Variants in DSG3 observed in about 807,000 individuals in gnomAD.
The protein encoded by DSG3 is desmoglein-3.
Under a neutral mutation model 85.9 loss-of-function variants are expected in DSG3, and 63 were observed. The ratio of observed to expected loss-of-function variants is 0.73; its 90% confidence interval spans 0.60 to 0.90. The LOEUF (loss-of-function observed/expected upper bound fraction) is 0.90. Ranked by LOEUF, DSG3 falls within the 40% of genes least tolerant of loss-of-function variation. The pLI is 0.00. For missense variants in DSG3, 1,220 were observed against 1,219.9 expected, an observed-to-expected ratio of 1.00 and a Z score of 0.00; for synonymous variants, 447 against 441.9, an observed-to-expected ratio of 1.01 and a Z score of -0.14.
chr18:31,464,383 G>A lies in DSG3; in HGVS notation c.1271+1G>A, dbSNP rs775788193. Reference sequence around the variant, plus strand: ...CTAACAAAGCTGCCTCAAATGTCAAGTAAGACTATTTTTATTTATATCCTA... The same window carrying A: ...CTAACAAAGCTGCCTCAAATGTCAAATAAGACTATTTTTATTTATATCCTA... On this transcript the variant is annotated splice_donor_variant, in intron 9 of 15. Transcript: ENST00000257189. LOFTEE classifies it high-confidence loss of function. 2 of 1,603,000 alleles carry A rather than the reference G, an allele frequency of 1.2e-6. No homozygotes were observed. Among genetic ancestry groups the A allele is most frequent in the African/African-American group, 1.3e-5 (1 of 74,396 alleles).
At chr18:31,458,831 G>A (rs576707020) in intron 4 of DSG3, among the ~76,000 whole-genome samples, 75 of 152,326 alleles carry the variant, frequency 4.9e-4, no homozygotes, top group Non-Finnish European at 9.3e-4. Context: ...CCATGACACA[G>A]CATTAGCCTG....
chr18:31,465,643 C>T (rs1420391375), intron 10 of DSG3, among the ~76,000 whole-genome samples, 186 bp downstream of exon 10: 1 of 152,164 alleles, frequency 6.6e-6, no homozygotes, highest in Non-Finnish European at 1.5e-5. Context: ...TTCAACTTCT[C>T]AGTGGAGATT....
chr18:31,466,623 T>C lies in DSG3; in HGVS notation c.1505T>C (p.Val502Ala). The change falls in exon 11 of 16, where the codon GTT (valine) becomes GCT (alanine). Residue 502 changes from valine to alanine, a missense_variant. Transcript: ENST00000257189. ...ACAGCTGTCCTCGAAAAAGATGCAGTTTGCAGTTCTTCACCTTCCGTGGTT... is the reference window on the plus strand; with the variant it reads ...ACAGCTGTCCTCGAAAAAGATGCAGCTTGCAGTTCTTCACCTTCCGTGGTT... ...CPTAVLEKDA[V>A]CSSSPSVVVS... 6.2e-7 allele frequency: 1 copy of C among 1,614,192 alleles called. No homozygotes were observed. The highest frequency in any genetic ancestry group is 1.3e-5 in the African/African-American group (1 of 75,054).
intron 12 of DSG3, 47 bp downstream of exon 12, chr18:31,469,396 T>G: frequency 1.2e-6 from 2 of 1,604,132 alleles, no homozygotes; most frequent in Non-Finnish European, 1.7e-6. Context: ...TGTCCTCATT[T>G]GCAAAGGCCT....
Position 31,460,814 on chromosome 18 carries a change from AT to A in DSG3, c.685-13del. The A allele has an allele frequency of 6.4e-7, 1 of 1,561,070 alleles. No individual in the cohort carries two copies. Among genetic ancestry groups the A allele is most frequent in the South Asian group, 1.2e-5 (1 of 81,090 alleles). On this transcript the variant is annotated intron_variant, in intron 6 of 15. Coordinates refer to ENST00000257189, the MANE Select transcript of DSG3 (RefSeq NM_001944.3). ...TCTTTGGGATTAATTATTTTTCTTT[AT>A]TTTTTATCCAAAATTAGCAAGCTAG... is the stretch of plus-strand genomic sequence containing the variant.
chr18:31,468,466 G>C (rs2072835442), intron 11 of DSG3, among the ~76,000 whole-genome samples: 2 of 152,196 alleles, frequency 1.3e-5, no homozygotes, highest in African/African-American at 4.8e-5. Context: ...GAAAAGCAGA[G>C]TAGAACTGAG....
rs1308440000 is a variant in DSG3, at chr18:31,475,919, C to G, written c.2659C>G (p.Pro887Ala). The change falls in exon 16 of 16, where the codon CCC (proline) becomes GCC (alanine). Residue 887 changes from proline (P) to alanine (A), a missense_variant. Physicochemically the swap from Pro to Ala is conservative, Grantham distance 27 (BLOSUM62 -1). Transcript: ENST00000257189. ...TTATGGGATTGAATCCTGTGGCCAT[C>G]CCATAGAAGTCCAGCAGACAGGATT... The part of the protein sequence containing the change: ...SGYGIESCGH[P>A]IEVQQTGFVK... The G allele has an allele frequency of 1.9e-6, 3 of 1,614,066 alleles. No individual in the cohort carries two copies. The South Asian group carries it at 3.3e-5, about 18-fold the overall frequency.
chr18:31,452,991 A>G (rs988501282), intron 1 of DSG3, among the ~76,000 whole-genome samples: 1 of 152,212 alleles, frequency 6.6e-6, no homozygotes, highest in African/African-American at 2.4e-5. Context: ...ATTCTTCACA[A>G]TTAAATAATT....
chr18:31,458,508 C>T lies in DSG3; in HGVS notation c.280C>T (p.Gln94Ter). 6.2e-7 allele frequency: 1 copy of T among 1,614,074 alleles called. No individual in the cohort carries two copies. The highest frequency in any genetic ancestry group is 8.5e-7 in the Non-Finnish European group (1 of 1,179,980). ...CCGAATCTCTGGAGTGGGAATCGAT[C>T]AGCCGCCTTTTGGAATCTTTGTTGT... ...TYRISGVGID[Q>*]PPFGIFVVDK... The change falls in exon 4 of 16, where the codon CAG (glutamine) becomes TAG (stop). Residue 94 changes from glutamine (Q) to a stop codon, truncating the protein, a stop_gained. Transcript: ENST00000257189. LOFTEE classifies it high-confidence loss of function.
chr18:31,473,611 C>G (rs943049065), intron 14 of DSG3, among the ~76,000 whole-genome samples: 1 of 152,168 alleles, frequency 6.6e-6, no homozygotes, highest in African/African-American at 2.4e-5. Flanking sequence ...AAAGAATTAT[C>G]TAGAAAAAAG....
At position 31,469,098 on chromosome 18, in the gene DSG3, C is replaced by T; in HGVS notation, c.1646C>T (p.Ala549Val). The change falls in exon 12 of 16, where the codon GCC becomes GTC. Residue 549 changes from alanine to valine, a missense_variant. Physicochemically the swap from Ala to Val is moderately conservative, Grantham distance 64 (BLOSUM62 0). Transcript: ENST00000257189. ...GATTCTTTCTCTACAGCTACCTCGG[C>T]CCTCCTCAGAGCCCAGGAACAGATA... ...WSITTLNATS[A>V]LLRAQEQIPP... 1.2e-6 allele frequency: 2 copies of T among 1,613,340 alleles called. No homozygotes were observed. The highest frequency in any genetic ancestry group is 2.2e-5 in the South Asian group (2 of 91,064).
intron 1 of DSG3, among the ~76,000 whole-genome samples, chr18:31,456,187 A>G (rs1443841320): frequency 1.3e-5 from 2 of 152,206 alleles, no homozygotes; most frequent in Non-Finnish European, 2.9e-5. Flanking sequence ...GCAAAGTCCA[A>G]TAGGTTCTTC....
rs140406035 is a variant in DSG3, at chr18:31,469,562, T to C, written c.1897+213T>C. ...TTCATATAGCAACACAAGTTATATA[T>C]GTCAGACATTTAGAAGACAGCACAA... On this transcript the variant is annotated intron_variant, in intron 12 of 15. Transcript: ENST00000257189. 2.0e-5 allele frequency among the ~76,000 whole-genome samples: 3 copies of C among 152,322 alleles called. No individual in the cohort carries two copies. The East Asian group carries it at 5.8e-4, about 29-fold the overall frequency.
chr18:31,472,527 T>A (rs966007707), intron 13 of DSG3, 104 bp downstream of exon 13: 12 of 1,399,572 alleles, frequency 8.6e-6, no homozygotes, highest in Non-Finnish European at 1.2e-5. Flanking sequence ...ACCTTCAGTT[T>A]CAGAGTCAGT....
intron 8 of DSG3, among the ~76,000 whole-genome samples, chr18:31,462,122 G>GA (rs35160486): frequency 0.19 from 28,267 of 151,960 alleles, 3,071 homozygotes; most frequent in African/African-American, 0.3. Flanking sequence ...ATCTAGGCAA[G>GA]AGTGCAGTGA....
intron 15 of DSG3, 83 bp downstream of exon 15, chr18:31,474,487 A>G: frequency 6.8e-7 from 1 of 1,465,454 alleles, no homozygotes; most frequent in Non-Finnish European, 9.2e-7. Context: ...TCAGTTTTGC[A>G]GTTTTTATTT....
At position 31,464,128 on chromosome 18, in the gene DSG3, A is replaced by G. The variant is rs537142426; in HGVS notation, c.1017A>G (p.Gln339=). The G allele has an allele frequency of 6.2e-7, 1 of 1,613,442 alleles. No homozygotes were observed. Among genetic ancestry groups the G allele is most frequent in the African/African-American group, 1.3e-5 (1 of 75,020 alleles). The part of the protein sequence containing the change: ...LKVVKALDYE[Q]LQSVKLSIAV... The stretch of plus-strand genomic sequence containing the variant: ...TTCTCCAGGCTCTAGATTATGAACA[A>G]CTACAAAGCGTGAAACTTAGTATTG... Residue 339 remains glutamine, a synonymous_variant, in exon 9 of 16, where the codon CAA becomes CAG. Transcript: ENST00000257189.
At position 31,465,449 on chromosome 18, in the gene DSG3, C is replaced by A; in HGVS notation, c.1403C>A (p.Ala468Asp). 2 of 1,482,826 alleles carry A rather than the reference C, an allele frequency of 1.3e-6. No individual in the cohort carries two copies. The highest frequency in any genetic ancestry group is 9.0e-7 in the Non-Finnish European group (1 of 1,116,574). The allele number at this position is 1,482,826 out of a possible 1,614,324, so 91.9% of individuals were successfully genotyped here. A position where few individuals can be genotyped will look rare whatever the true frequency, so the allele number is the denominator to read the frequency against. ...AAAACAATCACAGCTGAGGTTCTGG[C>A]CATAGATGGTAAGAAAAATATTTGA... is the stretch of plus-strand genomic sequence containing the variant. ...VNKTITAEVL[A>D]IDEYTGKTST... Residue 468 changes from alanine to aspartate, a missense_variant, in exon 10 of 16, where the codon GCC becomes GAC. Physicochemically the swap from Ala to Asp is moderately radical, Grantham distance 126. Coordinates refer to ENST00000257189, the MANE Select transcript of DSG3 (RefSeq NM_001944.3).
At chr18:31,452,036 G>A (rs1186949189) in intron 1 of DSG3, among the ~76,000 whole-genome samples, 2 of 152,176 alleles carry the variant, frequency 1.3e-5, no homozygotes, top group East Asian at 1.9e-4. Context: ...AGCTGGCTAG[G>A]TTGTACACTG....
Sources: gnomAD v4.1 joint callset for allele counts (sites outside exome capture counted in the v4.1 genomes callset) on GRCh38, gnomAD v4.1.1 for gene constraint, MANE v1.5 for transcripts, NCBI Gene and HGNC (gene_info 2026-07-23, HGNC 2026-07-21) for gene names.